JMJD1C: variants seen among roughly 807,000 people sequenced by gnomAD.
The protein encoded by JMJD1C is jumonji domain containing 1C.
In JMJD1C, 31 loss-of-function variants were observed where a neutral mutation model predicts 245.3. That is an observed-to-expected ratio of 0.13 (90% CI 0.09 to 0.17). The LOEUF (loss-of-function observed/expected upper bound fraction) is 0.17. Among genes scored for constraint, JMJD1C ranks in the 10% least tolerant of loss-of-function variants. JMJD1C has a pLI of 1.00. For missense variants in JMJD1C, 2,691 were observed against 3,000.2 expected (o/e 0.90, Z 2.41); for synonymous variants, 1,057 against 1,017.4 (o/e 1.04, Z -0.74).
intron 2 of JMJD1C, among the ~76,000 whole-genome samples, chr10:63,336,287 C>T (rs1942722927): frequency 6.6e-6 from 1 of 151,832 alleles, no homozygotes; most frequent in Admixed American, 6.6e-5. Context: ...ATGGTGAATC[C>T]CCGTCTCAAC....
chr10:63,364,919 G>A (rs1275957906), intron 2 of JMJD1C, among the ~76,000 whole-genome samples: 1 of 152,174 alleles, frequency 6.6e-6, no homozygotes, highest in Non-Finnish European at 1.5e-5. Context: ...ATACAAAATT[G>A]ATGATTTAAT....
chr10:63,319,205 T>C lies in JMJD1C; in HGVS notation c.334-54441A>G, dbSNP rs562719323. Among the ~76,000 whole-genome samples the C allele has an allele frequency of 3.6e-4, 50 of 140,480 alleles. No homozygotes were observed. The East Asian group carries it at 0.01, about 29-fold the overall frequency. The allele number at this position is 140,480 out of a possible 152,430, so 92.2% of individuals were successfully genotyped here. A position where few individuals can be genotyped will look rare whatever the true frequency, so the allele number is the denominator to read the frequency against. ...CCCGGAGGCGGAGCTTGCAGTGTGCTGAGACTGCGCCACTGCACTCCAGCC... is the reference window on the plus strand; with the variant it reads ...CCCGGAGGCGGAGCTTGCAGTGTGCCGAGACTGCGCCACTGCACTCCAGCC... On this transcript the variant is annotated intron_variant, in intron 2 of 25. Transcript: ENST00000399262.
intron 1 of JMJD1C, among the ~76,000 whole-genome samples, chr10:63,405,456 G>GA (rs1226154013): frequency 6.6e-6 from 1 of 151,750 alleles, no homozygotes; most frequent in Non-Finnish European, 1.5e-5. Flanking sequence ...AAGTAGCTGG[G>GA]ATTACAGGTG....
intron 8 of JMJD1C, among the ~76,000 whole-genome samples, chr10:63,212,708 G>T (rs1589162386): frequency 6.6e-6 from 1 of 151,820 alleles, no homozygotes; most frequent in Non-Finnish European, 1.5e-5. Flanking sequence ...TACATCTGGA[G>T]AATATAACAA....
chr10:63,415,547 A>T (rs1949749950), intron 1 of JMJD1C, among the ~76,000 whole-genome samples: 2 of 152,210 alleles, frequency 1.3e-5, no homozygotes, highest in South Asian at 4.1e-4. Context: ...ATATTCTTAG[A>T]ACTACTGATA....
At chr10:63,394,717 G>A (rs56302243) in intron 1 of JMJD1C, among the ~76,000 whole-genome samples, 2,025 of 152,188 alleles carry the variant, frequency 0.013, 32 homozygotes, top group African/African-American at 0.034. Flanking sequence ...GGTGGCGCAT[G>A]CCTGCAATCC....
rs1301730821 is a variant in JMJD1C, at chr10:63,494,967, G to A, written n.113+26771C>T. ...ATGTCCCACTTCCCTCTGTATGTGAGAAGACCCTCCTATAAGCTTCCATAC... is the reference window on the plus strand; with the variant it reads ...ATGTCCCACTTCCCTCTGTATGTGAAAAGACCCTCCTATAAGCTTCCATAC... On this transcript the variant is annotated intron_variant and non_coding_transcript_variant, in intron 1 of 3. Transcript: ENST00000633035. 2.6e-5 allele frequency among the ~76,000 whole-genome samples: 4 copies of A among 152,300 alleles called. No individual in the cohort carries two copies. In the East Asian group the frequency reaches 7.7e-4, roughly 29 times the overall value.
At chr10:63,232,622 T>C (rs1160145450) in intron 3 of JMJD1C, among the ~76,000 whole-genome samples, 3 of 152,012 alleles carry the variant, frequency 2.0e-5, no homozygotes, top group African/African-American at 7.3e-5. Flanking sequence ...GGATCTCTCC[T>C]TGGAACATCC....
At chr10:63,179,208 G>A (rs549274095) in intron 22 of JMJD1C, among the ~76,000 whole-genome samples, 23 of 152,098 alleles carry the variant, frequency 1.5e-4, no homozygotes, top group East Asian at 1.4e-3. Context: ...TCAGGAGTTC[G>A]AGACTAGCCT....
chr10:63,437,549 A>C (rs77494594), intron 1 of JMJD1C, among the ~76,000 whole-genome samples: 21,068 of 152,182 alleles, frequency 0.14, 2,099 homozygotes, highest in East Asian at 0.29. Context: ...ACTTAATCCT[A>C]TCTCTGAATT....
Position 63,281,746 on chromosome 10 carries a change from G to A in JMJD1C, c.334-16982C>T, listed in dbSNP as rs534632264. 1.8e-3 allele frequency among the ~76,000 whole-genome samples: 269 copies of A among 152,150 alleles called. 4 individuals carry two copies. The highest frequency in any genetic ancestry group is 0.017 in the Admixed American group (259 of 15,262). ...GGCCTTCCAAAGTGCTGGGATTACA[G>A]GCATGAGCCACCATGCCCAGCCAAT... is the stretch of plus-strand genomic sequence containing the variant. On this transcript the variant is annotated intron_variant, in intron 2 of 25. Transcript: ENST00000399262.
chr10:63,315,939 T>C (rs1589456856), intron 2 of JMJD1C, among the ~76,000 whole-genome samples: 1 of 150,874 alleles, frequency 6.6e-6, no homozygotes, highest in South Asian at 2.1e-4. Flanking sequence ...GAGGCTGAGA[T>C]GGACAGAGTA....
At chr10:63,286,694 T>C (rs1024880175) in intron 2 of JMJD1C, among the ~76,000 whole-genome samples, 17 of 152,196 alleles carry the variant, frequency 1.1e-4, no homozygotes, top group South Asian at 6.2e-4. Flanking sequence ...CTAGGGCTAG[T>C]AAGAGAATAA....
At chr10:63,176,232 A>ATT (rs145453472) in intron 24 of JMJD1C, 65 bp downstream of exon 24, 82 of 1,217,528 alleles carry the variant, frequency 6.7e-5, no homozygotes, top group African/African-American at 7.7e-5. Flanking sequence ...ACTAAGAGCA[A>ATT]TTTTTTTTTC....
intron 3 of JMJD1C, among the ~76,000 whole-genome samples, chr10:63,233,033 T>G (rs548928341): frequency 6.6e-6 from 1 of 152,184 alleles, no homozygotes; most frequent in African/African-American, 2.4e-5. Flanking sequence ...CTAATTCCAC[T>G]GAATATTTTA....
chr10:63,397,592 G>A (rs910976738), intron 1 of JMJD1C, among the ~76,000 whole-genome samples: 15 of 152,050 alleles, frequency 9.9e-5, no homozygotes, highest in Admixed American at 3.3e-4. Flanking sequence ...GGAGTACAGT[G>A]GCACAATCAC....
chr10:63,486,124 C>A (rs1953985171), intron 1 of JMJD1C, among the ~76,000 whole-genome samples: 2 of 112,236 alleles, frequency 1.8e-5, no homozygotes, highest in African/African-American at 7.5e-5. Flanking sequence ...AAGTAAAGGG[C>A]TTCAAGCAAT....
chr10:63,419,700 T>C (rs908836587), intron 1 of JMJD1C, among the ~76,000 whole-genome samples: 8 of 152,000 alleles, frequency 5.3e-5, no homozygotes, highest in African/African-American at 1.9e-4. Flanking sequence ...GTCAGTTCCT[T>C]TATGGTCTGC....
intron 2 of JMJD1C, among the ~76,000 whole-genome samples, chr10:63,350,828 C>G (rs1944291980): frequency 6.6e-6 from 1 of 151,866 alleles, no homozygotes; most frequent in African/African-American, 2.4e-5. Context: ...ACCATGTTAG[C>G]CAGGATGGTC....
Sources: allele counts gnomAD v4.1 joint callset (sites outside exome capture counted in the v4.1 genomes callset), GRCh38; gene constraint gnomAD v4.1.1; transcripts MANE v1.5; gene names NCBI Gene and HGNC (gene_info 2026-07-23, HGNC 2026-07-21).